SDK1: variants seen among roughly 807,000 people sequenced by gnomAD.
SDK1 encodes the protein protein sidekick-1.
In SDK1, 157 loss-of-function variants were observed where a neutral mutation model predicts 245.5. The ratio of observed to expected loss-of-function variants is 0.64; its 90% CI spans 0.56 to 0.73. The LOEUF is 0.73. Among genes scored for constraint, SDK1 ranks in the 30% least tolerant of loss-of-function variants. The pLI, the probability that SDK1 is intolerant of heterozygous loss-of-function variation, is 0.00. For missense variants in SDK1, 3,583 were observed against 3,002.3 expected (o/e 1.19, Z -4.52); for synonymous variants, 1,647 against 1,278.5 (o/e 1.29, Z -6.15).
At chr7:4,093,648 C>T (rs1225315295) in intron 22 of SDK1, among the ~76,000 whole-genome samples, 4 of 152,200 alleles carry the variant, frequency 2.6e-5, no homozygotes, top group South Asian at 2.1e-4. Context: ...GTCCCCAGGA[C>T]GCTTAGAGAC....
chr7:4,134,437 C>T (rs1209297650), intron 28 of SDK1, among the ~76,000 whole-genome samples: 1 of 152,196 alleles, frequency 6.6e-6, no homozygotes, highest in Non-Finnish European at 1.5e-5. Flanking sequence ...CAGCAGACAG[C>T]TGTGGCGAGG....
chr7:3,659,124 T>C (rs1783278444), intron 4 of SDK1, among the ~76,000 whole-genome samples: 1 of 152,210 alleles, frequency 6.6e-6, no homozygotes, highest in African/African-American at 2.4e-5. Context: ...TTTCGCTTTC[T>C]TTTTCTTTTG....
At chr7:3,912,678 A>C (rs1305123339) in intron 5 of SDK1, among the ~76,000 whole-genome samples, 1 of 152,200 alleles carries the variant, frequency 6.6e-6, no homozygotes. Flanking sequence ...CACCCCACGG[A>C]TGGCTTTTCA....
chr7:3,449,451 T>C (rs941818710), intron 1 of SDK1, among the ~76,000 whole-genome samples: 24 of 151,708 alleles, frequency 1.6e-4, no homozygotes, highest in African/African-American at 5.6e-4. Context: ...GTAACTCCAG[T>C]ATCTCTAGCC....
chr7:3,502,334 C>T (rs748370857), intron 1 of SDK1, among the ~76,000 whole-genome samples: 1 of 152,120 alleles, frequency 6.6e-6, no homozygotes, highest in Non-Finnish European at 1.5e-5. Flanking sequence ...ACTGCAACCT[C>T]TGCCTCCTGG....
In SDK1 at chr7:4,046,434, A is replaced by G. The variant is rs116264110; in HGVS notation, c.2603-2914A>G. On this transcript the variant is annotated intron_variant, in intron 17 of 44. Coordinates refer to ENST00000404826, the MANE Select transcript of SDK1 (RefSeq NM_152744.4). ...TTTTTTCCTAGAAGTATTAATAATT[A>G]TAGGTTTACATTTATGCCTCTGATC... Among the ~76,000 whole-genome samples the G allele has an allele frequency of 3.9e-3, 587 of 152,290 alleles. 2 individuals carry two copies. Among genetic ancestry groups the G allele is most frequent in the African/African-American group, 8.3e-3 (346 of 41,550 alleles).
chr7:3,554,028 C>G (rs1168423748), intron 1 of SDK1, among the ~76,000 whole-genome samples: 4 of 152,200 alleles, frequency 2.6e-5, no homozygotes, highest in South Asian at 4.1e-4. Flanking sequence ...GACCCACATA[C>G]TAAGCCTAAA....
intron 5 of SDK1, among the ~76,000 whole-genome samples, chr7:3,830,521 G>A (rs1455648140): frequency 1.3e-5 from 2 of 151,958 alleles, no homozygotes; most frequent in African/African-American, 2.4e-5. Context: ...TTGGAGACAG[G>A]GTCTTGCTCT....
chr7:3,496,984 C>T (rs62440161), intron 1 of SDK1, among the ~76,000 whole-genome samples: 4 of 152,154 alleles, frequency 2.6e-5, no homozygotes, highest in Admixed American at 6.5e-5. Flanking sequence ...CCTCCACATT[C>T]TCGGCACAGA....
intron 5 of SDK1, among the ~76,000 whole-genome samples, chr7:3,912,305 C>T (rs1008373346): frequency 2.0e-5 from 3 of 152,146 alleles, no homozygotes; most frequent in African/African-American, 4.8e-5. Flanking sequence ...GATGCTAATG[C>T]GTGTATTGTG....
In SDK1 at chr7:3,376,004, A is replaced by T. The variant is rs1193869350; in HGVS notation, c.298+74120A>T. ...ATAGCCAGCTAGAATTGGGGAAAAA[A>T]TAAGTTGGATTCTTACTGAATTCTG... On this transcript the variant is annotated intron_variant, in intron 1 of 44. Transcript: ENST00000404826. Among the ~76,000 whole-genome samples, 3 of 152,174 alleles carry T rather than the reference A, an allele frequency of 2.0e-5. No homozygotes were observed. The South Asian group carries it at 6.2e-4, about 32-fold the overall frequency.
At chr7:3,706,756 T>G (rs554357433) in intron 4 of SDK1, among the ~76,000 whole-genome samples, 7 of 152,166 alleles carry the variant, frequency 4.6e-5, no homozygotes, top group African/African-American at 1.4e-4. Flanking sequence ...CTGGTCTGTT[T>G]AGAGTTTCTG....
chr7:3,891,452 G>A (rs777614406), intron 5 of SDK1, among the ~76,000 whole-genome samples: 9 of 152,184 alleles, frequency 5.9e-5, no homozygotes, highest in African/African-American at 1.2e-4. Flanking sequence ...GCCGAGGATC[G>A]TTTTAGATCT....
At chr7:3,788,329 C>T (rs1459206586) in intron 4 of SDK1, among the ~76,000 whole-genome samples, 1 of 152,144 alleles carries the variant, frequency 6.6e-6, no homozygotes, top group East Asian at 1.9e-4. Context: ...GGTGTGCGGT[C>T]AGTGTGTGAA....
intron 35 of SDK1, among the ~76,000 whole-genome samples, chr7:4,202,551 C>T (rs1362311190): frequency 4.6e-5 from 7 of 152,176 alleles, no homozygotes; most frequent in African/African-American, 1.2e-4. Context: ...TCAGTTGGAG[C>T]GACCGCCAGT....
intron 35 of SDK1, among the ~76,000 whole-genome samples, chr7:4,204,900 A>T (rs945659779): frequency 2.5e-5 from 3 of 120,554 alleles, no homozygotes; most frequent in African/African-American, 1.1e-4. Context: ...GGCATGGGGC[A>T]GACAGGACGG....
chr7:3,476,953 CTG>C lies in SDK1; in HGVS notation c.299-142125_299-142124del, dbSNP rs1012477162. On this transcript the variant is annotated intron_variant, in intron 1 of 44. Coordinates refer to ENST00000404826, the MANE Select transcript of SDK1 (RefSeq NM_152744.4). ...GCATGCAGGCCTAAGGACGGAGACT[CTG>C]TAGGCGTGAGGGAAGCCATATGGCT... 6.2e-4 allele frequency among the ~76,000 whole-genome samples: 94 copies of C among 152,254 alleles called. 1 individual carries two copies. The highest frequency in any genetic ancestry group is 2.1e-3 in the African/African-American group (86 of 41,550).
At chr7:4,045,468 C>A (rs2128164248) in intron 17 of SDK1, among the ~76,000 whole-genome samples, 1 of 151,840 alleles carries the variant, frequency 6.6e-6, no homozygotes, top group Admixed American at 6.6e-5. Context: ...CTGGTTTCAA[C>A]CTCCTGGGCT....
At chr7:3,419,477 C>T (rs1779476461) in intron 1 of SDK1, among the ~76,000 whole-genome samples, 1 of 152,178 alleles carries the variant, frequency 6.6e-6, no homozygotes. Flanking sequence ...AGCACAGAGG[C>T]TCTGCTTTCT....
Sources: allele counts gnomAD v4.1 joint callset (sites outside exome capture counted in the v4.1 genomes callset), GRCh38; gene constraint gnomAD v4.1.1; transcripts MANE v1.5; gene names NCBI Gene and HGNC (gene_info 2026-07-23, HGNC 2026-07-21).